The following GRID1 variants were observed in gnomAD, a reference collection of about 807,000 sequenced individuals.
GRID1 encodes glutamate ionotropic receptor delta type subunit 1.
In GRID1, 28 loss-of-function variants were observed where a neutral mutation model predicts 98.0. The observed-to-expected ratio is 0.29, with a 90% CI of 0.21 to 0.39. The LOEUF is 0.39. Ranked by LOEUF, GRID1 falls within the 10% of genes least tolerant of loss-of-function variation. The pLI, the probability that GRID1 is intolerant of heterozygous loss-of-function variation, is 1.00. For synonymous variants in GRID1, 553 were observed against 538.5 expected (o/e 1.03, Z -0.37); for missense variants, 1,111 against 1,340.5 (o/e 0.83, Z 2.67).
chr10:85,784,510 C>T (rs11817307), intron 8 of GRID1, among the ~76,000 whole-genome samples: 4,182 of 152,324 alleles, frequency 0.027, 89 homozygotes, highest in Non-Finnish European at 0.04. Context: ...AATTCAGCAA[C>T]GCCCTGAATG....
chr10:86,000,027 G>A (rs1842785839), intron 4 of GRID1, among the ~76,000 whole-genome samples: 1 of 152,188 alleles, frequency 6.6e-6, no homozygotes, highest in Admixed American at 6.5e-5. Context: ...AAAGAAAGAA[G>A]TAAAACTGTC....
chr10:86,167,353 T>G (rs1014031757), intron 3 of GRID1, among the ~76,000 whole-genome samples: 22 of 152,092 alleles, frequency 1.4e-4, no homozygotes, highest in Non-Finnish European at 7.4e-5. Context: ...AAAGAGTGCC[T>G]GCCTTCCAGA....
At chr10:86,297,967 G>A (rs1231357826) in intron 2 of GRID1, among the ~76,000 whole-genome samples, 1 of 152,202 alleles carries the variant, frequency 6.6e-6, no homozygotes, top group Non-Finnish European at 1.5e-5. Flanking sequence ...CTTGCACACT[G>A]ACAGGAAATG....
At chr10:85,948,734 A>T (rs1410833179) in intron 4 of GRID1, among the ~76,000 whole-genome samples, 1 of 152,210 alleles carries the variant, frequency 6.6e-6, no homozygotes, top group East Asian at 1.9e-4. Context: ...ACTTAATACC[A>T]GCTTATAATT....
At chr10:86,308,248 G>A (rs1254800608) in intron 2 of GRID1, among the ~76,000 whole-genome samples, 4 of 152,202 alleles carry the variant, frequency 2.6e-5, no homozygotes, top group South Asian at 2.1e-4. Context: ...TGTGCAAACT[G>A]AGCCCACCTC....
intron 3 of GRID1, among the ~76,000 whole-genome samples, chr10:86,177,664 A>G (rs779759686): frequency 1.1e-4 from 16 of 151,312 alleles, no homozygotes; most frequent in Non-Finnish European, 2.2e-4. Context: ...TGTGAGAGAC[A>G]GAGATCCATT....
intron 8 of GRID1, among the ~76,000 whole-genome samples, chr10:85,851,277 T>C (rs556548468): frequency 1.3e-5 from 2 of 152,134 alleles, no homozygotes; most frequent in East Asian, 1.9e-4. Context: ...CCAGCAAACC[T>C]TTCCCCTGGT....
intron 3 of GRID1, among the ~76,000 whole-genome samples, chr10:86,204,323 G>C (rs533746397): frequency 6.6e-6 from 1 of 152,306 alleles, no homozygotes; most frequent in Admixed American, 6.5e-5. Context: ...GCAGGCTGCA[G>C]GGCCATGGTG....
intron 5 of GRID1, among the ~76,000 whole-genome samples, chr10:85,897,858 T>C (rs1339831831): frequency 1.5e-5 from 2 of 136,716 alleles, no homozygotes; most frequent in Admixed American, 1.4e-4. Context: ...TTTTGATTCC[T>C]TGGACCACCA....
At chr10:86,088,588 G>C (rs1844098623) in intron 4 of GRID1, among the ~76,000 whole-genome samples, 1 of 152,204 alleles carries the variant, frequency 6.6e-6, no homozygotes, top group South Asian at 2.1e-4. Flanking sequence ...AGGAACTTCA[G>C]ATGAAAACTT....
intron 4 of GRID1, among the ~76,000 whole-genome samples, chr10:85,952,212 G>C (rs963736020): frequency 6.6e-6 from 1 of 152,208 alleles, no homozygotes; most frequent in African/African-American, 2.4e-5. Flanking sequence ...CAATTGAACA[G>C]AGTTAATAAT....
rs200838766 is a variant in GRID1, at chr10:85,869,076, C to T, written c.885G>A (p.Thr295=). The T allele has an allele frequency of 9.3e-6, 15 of 1,613,878 alleles. No homozygotes were observed. The highest frequency in any genetic ancestry group is 1.6e-4 in the Middle Eastern group (1 of 6,082). The stretch of plus-strand genomic sequence containing the variant: ...GGGAGGAGATGCGGTGGTTGTTCCT[C>T]GTGCATTTCTGATTGTCCTTTGCAG... ...FPSAKDNQKC[T]RNNHRISSLL... is the part of the protein sequence containing the mutation. Residue 295 remains threonine (T), a synonymous_variant, in exon 6 of 16, where the codon ACG becomes ACA. Coordinates refer to ENST00000327946, the MANE Select transcript of GRID1 (RefSeq NM_017551.3).
intron 4 of GRID1, among the ~76,000 whole-genome samples, chr10:86,131,376 T>C (rs1021761506): frequency 2.6e-5 from 4 of 152,170 alleles, no homozygotes; most frequent in Non-Finnish European, 5.9e-5. Context: ...TAAATGCCTA[T>C]TTCTCATGTC....
At chr10:86,224,377 G>GA (rs1184796851) in intron 2 of GRID1, among the ~76,000 whole-genome samples, 1 of 152,134 alleles carries the variant, frequency 6.6e-6, no homozygotes, top group Admixed American at 6.5e-5. Context: ...CAGCTCATGA[G>GA]AAAAGAGACC....
At chr10:85,950,864 C>G (rs1332148539) in intron 4 of GRID1, among the ~76,000 whole-genome samples, 1 of 152,200 alleles carries the variant, frequency 6.6e-6, no homozygotes, top group Non-Finnish European at 1.5e-5. Flanking sequence ...GCCCTGTGCT[C>G]TGACAGCACT....
intron 2 of GRID1, among the ~76,000 whole-genome samples, chr10:86,354,831 GC>G (rs1425053980): frequency 6.6e-6 from 1 of 152,198 alleles, no homozygotes; most frequent in African/African-American, 2.4e-5. Context: ...GGTTCCCAGA[GC>G]CCCAGCCTAT....
chr10:86,181,072 G>C (rs563549294), intron 3 of GRID1, among the ~76,000 whole-genome samples: 1 of 152,164 alleles, frequency 6.6e-6, no homozygotes, highest in Admixed American at 6.5e-5. Flanking sequence ...CCACGAGGCT[G>C]TACAAGCCAC....
At chr10:86,041,936 C>T (rs2131899489) in intron 4 of GRID1, among the ~76,000 whole-genome samples, 1 of 152,314 alleles carries the variant, frequency 6.6e-6, no homozygotes, top group East Asian at 1.9e-4. Flanking sequence ...TCAGGCCTCC[C>T]ACCTGGGTAG....
chr10:85,859,997 T>C (rs1471392042), intron 6 of GRID1, among the ~76,000 whole-genome samples: 10 of 152,108 alleles, frequency 6.6e-5, no homozygotes, highest in East Asian at 1.9e-4. Flanking sequence ...TGGATATCAG[T>C]GTCAGGGTTG....
Sources: gnomAD v4.1 joint callset for allele counts (sites outside exome capture counted in the v4.1 genomes callset) on GRCh38, gnomAD v4.1.1 for gene constraint, MANE v1.5 for transcripts, NCBI Gene and HGNC (gene_info 2026-07-23, HGNC 2026-07-21) for gene names.